PHRF1: variants seen among roughly 807,000 people sequenced by gnomAD.
The protein encoded by PHRF1 is PHD and ring finger domains 1.
PHRF1 carries 53 observed loss-of-function variants against 128.9 expected under a neutral mutation model. That is an observed-to-expected ratio of 0.41 (90% CI 0.33 to 0.52). The LOEUF is 0.52. PHRF1 is among the 20% of genes least tolerant of loss of function. The pLI, the probability that PHRF1 is intolerant of heterozygous loss-of-function variation, is 0.21. For missense variants in PHRF1, 2,503 were observed against 2,284.5 expected (o/e 1.10, Z -1.95); for synonymous variants, 1,178 against 980.6 (o/e 1.20, Z -3.76).
In PHRF1 at chr11:611,942, C is replaced by T. The variant is rs938516057; in HGVS notation, c.*165C>T. On this transcript the variant is annotated 3_prime_UTR_variant, in exon 18 of 18. Transcript: ENST00000264555. ...CACCATGCCTGCCGTCGGGTTCCTGCGCTGACACCTGGTCTGTGCACCTGT... is the reference window on the plus strand; with the variant it reads ...CACCATGCCTGCCGTCGGGTTCCTGTGCTGACACCTGGTCTGTGCACCTGT... 84 of 1,123,178 alleles carry T rather than the reference C, an allele frequency of 7.5e-5. No homozygotes were observed. Among genetic ancestry groups the T allele is most frequent in the Middle Eastern group, 5.9e-4 (2 of 3,380 alleles). The allele number at this position is 1,123,178 out of a possible 1,614,324, so 69.6% of individuals were successfully genotyped here.
In PHRF1 at chr11:608,947, G is replaced by C; in HGVS notation, c.3491G>C (p.Arg1164Pro). 6.2e-7 allele frequency: 1 copy of C among 1,610,562 alleles called. No homozygotes were observed. Among genetic ancestry groups the C allele is most frequent in the Non-Finnish European group, 8.5e-7 (1 of 1,179,256 alleles). ...CGAGACCGGAGGAAGCGGAGGTCCC[G>C]GTCCCCAAGCTCGGAGCACAGGGCA... Reference protein sequence around the residue: ...WPRDRRKRRSRSPSSEHRARE... With the variant: ...WPRDRRKRRSPSPSSEHRARE... Residue 1164 changes from arginine (R) to proline (P), a missense_variant, in exon 14 of 18, where the codon CGG becomes CCG. Physicochemically the swap from Arg to Pro is moderately radical, Grantham distance 103. Transcript: ENST00000264555.
At position 587,238 on chromosome 11, in the gene PHRF1, G is replaced by T. The variant is rs7124881; in HGVS notation, c.215-21G>T. The T allele has an allele frequency of 7.7e-3, 12,368 of 1,610,532 alleles. 804 individuals carry two copies. The African/African-American group carries it at 0.14, about 18-fold the overall frequency. On this transcript the variant is annotated intron_variant, in intron 3 of 17. Transcript: ENST00000264555. ...CACGCTGCCCATCCTGCTTGCACCA[G>T]CTGGCATGTTTCCTCTCCAGGTTCC... is the stretch of plus-strand genomic sequence containing the variant.
At chr11:588,316 TC>T (rs1169872010) in intron 4 of PHRF1, among the ~76,000 whole-genome samples, 1 of 152,198 alleles carries the variant, frequency 6.6e-6, no homozygotes, top group Non-Finnish European at 1.5e-5. Context: ...CTCTGGTACT[TC>T]CTGTTCCTGT....
At chr11:591,313 G>A (rs1323279152) in intron 4 of PHRF1, 71 bp from the exon 5 acceptor site, 2 of 1,348,200 alleles carry the variant, frequency 1.5e-6, no homozygotes, top group Non-Finnish European at 2.1e-6. Flanking sequence ...TTGATTTTCA[G>A]TGTAAAAGAA....
chr11:598,690 C>G (rs997717133), intron 9 of PHRF1, among the ~76,000 whole-genome samples, 188 bp downstream of exon 9: 1 of 152,242 alleles, frequency 6.6e-6, no homozygotes, highest in Non-Finnish European at 1.5e-5. Context: ...TGCCGATCTG[C>G]GACCACGCTG....
chr11:589,286 C>T (rs1299413022), intron 4 of PHRF1, among the ~76,000 whole-genome samples: 8 of 152,128 alleles, frequency 5.3e-5, no homozygotes, highest in Admixed American at 1.3e-4. Flanking sequence ...CTAACACAGC[C>T]GTGACTGAAG....
chr11:609,317 C>T lies in PHRF1; in HGVS notation c.3861C>T (p.Ser1287=), dbSNP rs747581063. The T allele has an allele frequency of 2.5e-6, 4 of 1,612,418 alleles. No homozygotes were observed. Among genetic ancestry groups the T allele is most frequent in the African/African-American group, 1.3e-5 (1 of 74,944 alleles). Residue 1287 remains serine (S), a synonymous_variant, in exon 14 of 18, where the codon AGC becomes AGT. Transcript: ENST00000264555. ...DAVFIQLDDM[S]SPPSPESTDS... The stretch of plus-strand genomic sequence containing the variant: ...TTTTCATCCAGCTCGATGACATGAG[C>T]TCGCCACCTTCTCCCGAAAGCACAG...
At chr11:589,815 C>A (rs796812503) in intron 4 of PHRF1, among the ~76,000 whole-genome samples, 2 of 149,360 alleles carry the variant, frequency 1.3e-5, no homozygotes, top group Admixed American at 1.3e-4. Flanking sequence ...GGGCACAGAG[C>A]GTGCGGGGCT....
Position 597,481 on chromosome 11 carries a change from A to G in PHRF1, c.805A>G (p.Arg269Gly). The change falls in exon 8 of 18, where the codon AGG becomes GGG. Residue 269 changes from arginine to glycine, a missense_variant. Transcript: ENST00000264555. The surrounding 1 kb of genome is among the most constrained non-coding windows in gnomAD (Gnocchi z 6.5). ...CAGCAGGCTTCGGCCTCGAGCAGGT[A>G]GGACCCGGGCGATAGCCAGGACACG... ...TTSRLRPRAG[R>G]TRAIARTRQS... 6.2e-7 allele frequency: 1 copy of G among 1,612,760 alleles called. No individual in the cohort carries two copies. Among genetic ancestry groups the G allele is most frequent in the South Asian group, 1.1e-5 (1 of 90,786 alleles).
At chr11:580,530 G>C (rs1854141731) in intron 1 of PHRF1, among the ~76,000 whole-genome samples, 1 of 152,232 alleles carries the variant, frequency 6.6e-6, no homozygotes. Context: ...TTGGGGTGCG[G>C]TCAGAGGAGC....
Position 611,037 on chromosome 11 carries a change from G to A in PHRF1, c.4761G>A (p.Val1587=). The part of the protein sequence containing the change: ...AIKPFYQKRE[V]TKEEYKDILR... ...AGCCCTTCTACCAGAAGAGGGAGGT[G>A]ACCAAGGAGGAGTACAAGGACATCC... Residue 1587 remains valine (V), a synonymous_variant, in exon 17 of 18, where the codon GTG becomes GTA. Coordinates refer to ENST00000264555, the MANE Select transcript of PHRF1 (RefSeq NM_001286581.2). 6.2e-7 allele frequency: 1 copy of A among 1,613,382 alleles called. No individual in the cohort carries two copies. The highest frequency in any genetic ancestry group is 8.5e-7 in the Non-Finnish European group (1 of 1,179,780).
chr11:593,160 C>T (rs758094281), intron 6 of PHRF1, among the ~76,000 whole-genome samples: 3 of 152,250 alleles, frequency 2.0e-5, no homozygotes, highest in African/African-American at 4.8e-5. Context: ...CCTGGCTTCC[C>T]GGGAGCCTGT....
intron 6 of PHRF1, among the ~76,000 whole-genome samples, chr11:593,145 G>A (rs1017228209): frequency 3.3e-5 from 5 of 152,218 alleles, no homozygotes; most frequent in Non-Finnish European, 5.9e-5. Context: ...CTGGCCCTGC[G>A]TGGCCCTGGC....
At chr11:589,310 C>G (rs1023257106) in intron 4 of PHRF1, among the ~76,000 whole-genome samples, 2 of 152,190 alleles carry the variant, frequency 1.3e-5, no homozygotes, top group East Asian at 1.9e-4. Flanking sequence ...GGCCCCTTCC[C>G]TTTCGAGACA....
intron 4 of PHRF1, among the ~76,000 whole-genome samples, chr11:589,314 C>G (rs768527812): frequency 6.6e-6 from 1 of 152,330 alleles, no homozygotes; most frequent in African/African-American, 2.4e-5. Context: ...CCTTCCCTTT[C>G]GAGACATCTT....
rs371100754 is a variant in PHRF1, at chr11:607,907, C to T, written c.2451C>T (p.Phe817=). Residue 817 remains phenylalanine (F), a synonymous_variant, in exon 14 of 18, where the codon TTC becomes TTT. Transcript: ENST00000264555. Reference sequence around the variant, plus strand: ...GGAAGGAGAACCCCTCACCCCTCTTCTCCATCAAGAAGACGAAGCAGCTGC... The same window carrying T: ...GGAAGGAGAACCCCTCACCCCTCTTTTCCATCAAGAAGACGAAGCAGCTGC... The part of the protein sequence containing the change: ...EQRKENPSPL[F]SIKKTKQLRS... The T allele has an allele frequency of 7.4e-6, 12 of 1,612,584 alleles. No homozygotes were observed. In the African/African-American group the frequency reaches 1.5e-4, roughly 20 times the overall value.
rs1358846855 is a variant in PHRF1, at chr11:606,535, G to A, written c.1548G>A (p.Leu516=). 6.2e-7 allele frequency: 1 copy of A among 1,610,694 alleles called. No homozygotes were observed. Residue 516 remains leucine (L), a synonymous_variant, in exon 13 of 18, where the codon CTG becomes CTA. Transcript: ENST00000264555. The part of the protein sequence containing the change: ...LGSILSGQSL[L]MLGSSDVIIH... Reference sequence around the variant, plus strand: ...GCATCCTGTCGGGCCAGAGCCTCCTGATGCTGGGCAGCAGTGATGTCATCA... The same window carrying A: ...GCATCCTGTCGGGCCAGAGCCTCCTAATGCTGGGCAGCAGTGATGTCATCA...
intron 1 of PHRF1, among the ~76,000 whole-genome samples, chr11:580,363 G>A (rs973477653): frequency 6.6e-6 from 1 of 152,244 alleles, no homozygotes; most frequent in African/African-American, 2.4e-5. Context: ...TGGTTTCACA[G>A]TGACCTTGCA....
At position 611,088 on chromosome 11, in the gene PHRF1, C is replaced by CTG; in HGVS notation, c.4806+11_4806+12dup. On this transcript the variant is annotated splice_region_variant and intron_variant, in intron 17 of 17. Transcript: ENST00000264555. ...TGCGCAAGGCCGTGCAGAAGGTGGGCTGTGTGCGAGCCTGTGTGTGGGGCT... is the reference window on the plus strand; with the variant it reads ...TGCGCAAGGCCGTGCAGAAGGTGGGCTGTGTGTGCGAGCCTGTGTGTGGGGCT... 1 of 1,612,266 alleles carries CTG rather than the reference C, an allele frequency of 6.2e-7. No individual in the cohort carries two copies.
Sources: gnomAD v4.1 joint callset for allele counts (sites outside exome capture counted in the v4.1 genomes callset) on GRCh38, gnomAD v4.1.1 for gene constraint, Gnocchi (gnomAD v3.1) non-coding constraint, MANE v1.5 for transcripts, NCBI Gene and HGNC (gene_info 2026-07-23, HGNC 2026-07-21) for gene names.